Variants in CLRN2 observed in about 807,000 individuals in gnomAD.
CLRN2 encodes clarin-2.
A neutral mutation model predicts 20.1 loss-of-function variants in CLRN2; 17 were observed. That is an observed-to-expected ratio of 0.85 (90% confidence interval 0.58 to 1.27). The LOEUF is 1.27. Among genes scored for constraint, CLRN2 ranks in the 50% most tolerant of loss-of-function variants. The pLI is 0.00. For missense variants in CLRN2, 288 were observed against 299.5 expected, an observed-to-expected ratio of 0.96 and a Z score of 0.28; for synonymous variants, 140 against 126.9, an observed-to-expected ratio of 1.10 and a Z score of -0.70.
At chr4:17,520,320 CTTTT>C (rs1000855665) in intron 1 of CLRN2, among the ~76,000 whole-genome samples, 3 of 152,076 alleles carry the variant, frequency 2.0e-5, no homozygotes, top group Non-Finnish European at 4.4e-5. Context: ...ATAATTCTTT[CTTTT>C]TAAAAGATGA....
rs763325876 is a variant in CLRN2, at chr4:17,526,829, C to T, written c.446C>T (p.Ala149Val). The T allele has an allele frequency of 3.1e-6, 5 of 1,613,992 alleles. No homozygotes were observed. The highest frequency in any genetic ancestry group is 1.7e-6 in the Non-Finnish European group (2 of 1,179,878). Residue 149 changes from alanine (A) to valine (V), a missense_variant, in exon 3 of 3, where the codon GCG (alanine) becomes GTG (valine). Ala to Val is a moderately conservative substitution (Grantham distance 64). Transcript: ENST00000511148. ...TTTTGAGTTTCAGGCGGCGTCGTGGCGTTAGCCATCGCCAGCTTCGTGGCT... is the reference window on the plus strand; with the variant it reads ...TTTTGAGTTTCAGGCGGCGTCGTGGTGTTAGCCATCGCCAGCTTCGTGGCT... The part of the protein sequence containing the change: ...LWNVLAGGVV[A>V]LAIASFVAAV...
At position 17,526,866 on chromosome 4, in the gene CLRN2, T is replaced by C; in HGVS notation, c.483T>C (p.Phe161=). 3 of 1,614,014 alleles carry C rather than the reference T, an allele frequency of 1.9e-6. No homozygotes were observed. The highest frequency in any genetic ancestry group is 2.5e-6 in the Non-Finnish European group (3 of 1,179,884). ...AIASFVAAVK[F]HDLTERIANF... is the part of the protein sequence containing the mutation. ...CCAGCTTCGTGGCTGCGGTGAAATT[T>C]CACGACCTGACGGAACGAATCGCCA... Residue 161 remains phenylalanine (F), a synonymous_variant, in exon 3 of 3, where the codon TTT becomes TTC. Coordinates refer to ENST00000511148, the MANE Select transcript of CLRN2 (RefSeq NM_001079827.2).
At chr4:17,523,780 G>A (rs1238113629) in intron 2 of CLRN2, among the ~76,000 whole-genome samples, 1 of 146,706 alleles carries the variant, frequency 6.8e-6, no homozygotes, top group African/African-American at 2.5e-5. Context: ...GGGGAAGTGA[G>A]TGCCATCTAG....
At chr4:17,524,204 ATGTGTGTG>A (rs10527873) in intron 2 of CLRN2, among the ~76,000 whole-genome samples, 15,742 of 148,596 alleles carry the variant, frequency 0.11, 1,311 homozygotes, top group African/African-American at 0.23. Flanking sequence ...AAACTACAAG[ATGTGTGTG>A]TGTGTGTGTG....
In CLRN2 at chr4:17,515,497, G is replaced by A. The variant is rs1711636069; in HGVS notation, c.231G>A (p.Gly77=). 3.7e-6 allele frequency: 6 copies of A among 1,613,930 alleles called. No individual in the cohort carries two copies. The highest frequency in any genetic ancestry group is 5.1e-6 in the Non-Finnish European group (6 of 1,179,872). The stretch of plus-strand genomic sequence containing the variant: ...GTAAAGTGCGGCAGTGTGGGCTTGG[G>A]GGCCGCCAATCCCAATTCACGAGTG... The part of the protein sequence containing the change: ...RGCKVRQCGL[G]GRQSQFTIFP... Residue 77 remains glycine, a synonymous_variant, in exon 1 of 3, where the codon GGG becomes GGA. Coordinates refer to ENST00000511148, the MANE Select transcript of CLRN2 (RefSeq NM_001079827.2).
chr4:17,517,487 T>C (rs760975683), intron 1 of CLRN2, among the ~76,000 whole-genome samples: 2 of 152,230 alleles, frequency 1.3e-5, no homozygotes, highest in Non-Finnish European at 2.9e-5. Context: ...ATTAACCTAA[T>C]GACCAGACCC....
intron 1 of CLRN2, among the ~76,000 whole-genome samples, chr4:17,519,294 A>G (rs1711778101): frequency 6.6e-6 from 1 of 152,238 alleles, no homozygotes; most frequent in African/African-American, 2.4e-5. Flanking sequence ...AGTTGCCTCT[A>G]ATGTGTAGGA....
chr4:17,519,008 G>C (rs1359033069), intron 1 of CLRN2, among the ~76,000 whole-genome samples: 6 of 152,212 alleles, frequency 3.9e-5, no homozygotes, highest in African/African-American at 1.4e-4. Flanking sequence ...AGATTGCTTT[G>C]CAGCTTTTAG....
Position 17,519,875 on chromosome 4 carries a change from A to T in CLRN2, c.254-2989A>T, listed in dbSNP as rs189339372. On this transcript the variant is annotated intron_variant, in intron 1 of 2. Coordinates refer to ENST00000511148, the MANE Select transcript of CLRN2 (RefSeq NM_001079827.2). ...AATTTCTACTTTTTTCTTCTTTTTTAAAAAATAATTTAATTTAGAGACAGA... is the reference window on the plus strand; with the variant it reads ...AATTTCTACTTTTTTCTTCTTTTTTTAAAAATAATTTAATTTAGAGACAGA... Among the ~76,000 whole-genome samples, 697 of 152,182 alleles carry T rather than the reference A, an allele frequency of 4.6e-3. 3 individuals carry two copies. Among genetic ancestry groups the T allele is most frequent in the African/African-American group, 0.016 (649 of 41,504 alleles).
rs759541960 is a variant in CLRN2 at position 17,515,290 on chromosome 4, G to A, written c.24G>A (p.Ala8=). 2.2e-5 allele frequency: 36 copies of A among 1,613,856 alleles called. No homozygotes were observed. Among genetic ancestry groups the A allele is most frequent in the Admixed American group, 1.0e-4 (6 of 60,008 alleles). ...GCATGCCTGGATGGTTCAAAAAGGC[G>A]TGGTATGGGCTGGCGTCTTTACTCA... MPGWFKK[A]WYGLASLLSF... is the part of the protein sequence containing the mutation. Residue 8 remains alanine, a synonymous_variant, in exon 1 of 3, where the codon GCG becomes GCA. Transcript: ENST00000511148.
At chr4:17,522,521 C>T (rs1711857777) in intron 1 of CLRN2, among the ~76,000 whole-genome samples, 1 of 152,172 alleles carries the variant, frequency 6.6e-6, no homozygotes, top group South Asian at 2.1e-4. Flanking sequence ...GTCCTTCATA[C>T]ATGGGGATAA....
chr4:17,518,110 C>T (rs1337746934), intron 1 of CLRN2, among the ~76,000 whole-genome samples: 1 of 150,838 alleles, frequency 6.6e-6, no homozygotes, highest in Non-Finnish European at 1.5e-5. Context: ...TAGATGGGGA[C>T]GTAAGTGAAA....
rs150523085 is a variant in CLRN2, at chr4:17,519,043, G to A, written c.253+3524G>A. Among the ~76,000 whole-genome samples, 742 of 152,310 alleles carry A rather than the reference G, an allele frequency of 4.9e-3. 4 individuals are homozygous for A. The highest frequency in any genetic ancestry group is 0.017 in the African/African-American group (690 of 41,574). On this transcript the variant is annotated intron_variant, in intron 1 of 2. Transcript: ENST00000511148. ...GTTCTCTGGTTCCTCTCTACTTCCTGCCTCACAGGTATTCCACTAGTGGCC... is the reference window on the plus strand; with the variant it reads ...GTTCTCTGGTTCCTCTCTACTTCCTACCTCACAGGTATTCCACTAGTGGCC...
chr4:17,522,919 G>A lies in CLRN2; in HGVS notation c.309G>A (p.Leu103=). 1 of 1,614,004 alleles carries A rather than the reference G, an allele frequency of 6.2e-7. No individual in the cohort carries two copies. Among genetic ancestry groups the A allele is most frequent in the Non-Finnish European group, 8.5e-7 (1 of 1,179,890 alleles). The change falls in exon 2 of 3, where the codon CTG becomes CTA. Residue 103 remains leucine, a synonymous_variant. Transcript: ENST00000511148. ...CAGGCCTTCATGTGATGATTCTGCT[G>A]CTCCTCTTCCTGGCCTTGGCCCTGG... ...LNAGLHVMIL[L]LLFLALALAL... is the part of the protein sequence containing the mutation.
chr4:17,518,767 A>G (rs1179890272), intron 1 of CLRN2, among the ~76,000 whole-genome samples: 1 of 151,850 alleles, frequency 6.6e-6, no homozygotes, highest in African/African-American at 2.4e-5. Flanking sequence ...ATCTAAAAAA[A>G]AAAAAGAGAA....
chr4:17,516,708 A>G (rs1005365698), intron 1 of CLRN2, among the ~76,000 whole-genome samples: 5 of 152,234 alleles, frequency 3.3e-5, no homozygotes, highest in African/African-American at 1.2e-4. Context: ...AAATTATAAC[A>G]TAAAACTTGA....
At chr4:17,516,391 A>T (rs1256673873) in intron 1 of CLRN2, among the ~76,000 whole-genome samples, 1 of 152,224 alleles carries the variant, frequency 6.6e-6, no homozygotes, top group Non-Finnish European at 1.5e-5. Flanking sequence ...ACTGGTGAAA[A>T]GTGTCTGCAC....
intron 2 of CLRN2, among the ~76,000 whole-genome samples, 180 bp from the exon 3 acceptor site, chr4:17,526,637 C>A (rs552432514): frequency 6.6e-6 from 1 of 152,336 alleles, no homozygotes; most frequent in South Asian, 2.1e-4. Flanking sequence ...CCCGCACAAT[C>A]CTGCCTTTCT....
At chr4:17,522,127 C>G (rs142741768) in intron 1 of CLRN2, among the ~76,000 whole-genome samples, 1 of 152,284 alleles carries the variant, frequency 6.6e-6, no homozygotes, top group African/African-American at 2.4e-5. Flanking sequence ...TACCTCATGT[C>G]TTTGTCATGC....
Sources: gnomAD v4.1 joint callset for allele counts (sites outside exome capture counted in the v4.1 genomes callset) on GRCh38, gnomAD v4.1.1 for gene constraint, MANE v1.5 for transcripts, NCBI Gene and HGNC (gene_info 2026-07-23, HGNC 2026-07-21) for gene names.